Variants in PSD3 observed in about 807,000 individuals in gnomAD.
PSD3 encodes the protein PH and SEC7 domain-containing protein 3.
A neutral mutation model predicts 105.5 loss-of-function variants in PSD3; 49 were observed. The observed-to-expected ratio is 0.46, with a 90% CI of 0.37 to 0.59. The LOEUF is 0.59. Ranked by LOEUF, PSD3 falls within the 20% of genes least tolerant of loss-of-function variation. PSD3 has a pLI of 0.00. For synonymous variants in PSD3, 557 were observed against 457.8 expected, an observed-to-expected ratio of 1.22 and a Z score of -2.77; for missense variants, 1,561 against 1,263.8, an observed-to-expected ratio of 1.24 and a Z score of -3.57.
At chr8:19,060,434 G>A (rs985839951) in intron 1 of PSD3, among the ~76,000 whole-genome samples, 1 of 152,068 alleles carries the variant, frequency 6.6e-6, no homozygotes, top group Admixed American at 6.6e-5. Flanking sequence ...ACATATTAAT[G>A]TCTCAGTCTG....
intron 9 of PSD3, among the ~76,000 whole-genome samples, chr8:18,751,054 C>A (rs1342462986): frequency 6.6e-6 from 1 of 152,126 alleles, no homozygotes; most frequent in Non-Finnish European, 1.5e-5. Context: ...ACTCCTCAGC[C>A]CTTGGGCAGT....
chr8:19,012,541 C>T (rs1156483737), intron 1 of PSD3, among the ~76,000 whole-genome samples: 1 of 152,170 alleles, frequency 6.6e-6, no homozygotes, highest in Non-Finnish European at 1.5e-5. Flanking sequence ...CTGCCAGCTC[C>T]TCTCTGAGAA....
intron 4 of PSD3, 78 bp downstream of exon 4, chr8:18,867,595 AT>A: frequency 6.7e-7 from 1 of 1,488,800 alleles, no homozygotes; most frequent in Non-Finnish European, 9.0e-7. Flanking sequence ...ATTTAAATAT[AT>A]ATTCCACACT....
intron 4 of PSD3, among the ~76,000 whole-genome samples, chr8:18,826,326 T>C (rs1025852421): frequency 1.3e-5 from 2 of 152,188 alleles, no homozygotes; most frequent in African/African-American, 2.4e-5. Flanking sequence ...AATCTCATGA[T>C]AGATAGATAG....
intron 2 of PSD3, among the ~76,000 whole-genome samples, chr8:18,915,741 A>G (rs571228747): frequency 7.2e-5 from 11 of 152,312 alleles, no homozygotes; most frequent in African/African-American, 2.6e-4. Flanking sequence ...TGCTGGAGCC[A>G]TGTGGGAAGA....
At chr8:18,632,471 G>A (rs981531767) in intron 11 of PSD3, 142 bp downstream of exon 11, 3 of 873,986 alleles carry the variant, frequency 3.4e-6, no homozygotes, top group African/African-American at 3.4e-5. Context: ...TTAATTTAGG[G>A]TTAGAGGCTT....
chr8:18,599,335 T>C (rs1804264666), intron 12 of PSD3, among the ~76,000 whole-genome samples: 1 of 152,162 alleles, frequency 6.6e-6, no homozygotes. Context: ...GAAAACCATA[T>C]GGAGTTTCTT....
chr8:18,552,633 ATTTT>A (rs757337003), intron 15 of PSD3, among the ~76,000 whole-genome samples: 5 of 152,240 alleles, frequency 3.3e-5, no homozygotes, highest in Admixed American at 6.5e-5. Flanking sequence ...TCAATTAAAT[ATTTT>A]TAAGTAAAAT....
intron 11 of PSD3, among the ~76,000 whole-genome samples, chr8:18,611,920 T>G (rs1297815442): frequency 6.6e-6 from 1 of 152,240 alleles, no homozygotes; most frequent in Non-Finnish European, 1.5e-5. Context: ...GACCCCTTCT[T>G]GCTTAACTGT....
At chr8:18,760,574 TC>T in intron 9 of PSD3, among the ~76,000 whole-genome samples, 1 of 152,352 alleles carries the variant, frequency 6.6e-6, no homozygotes, top group East Asian at 1.9e-4. Context: ...ACAGAATTCC[TC>T]CTTTTTAAGG....
In PSD3 at chr8:19,026,378, G is replaced by GT. The variant is rs965107798; in HGVS notation, c.324+57827dup. ...ATCTTTATCTCCATAACTCTCAGAG[G>GT]TTTTTTTTTGTAAGTTTTCAGTGAC... On this transcript the variant is annotated intron_variant, in intron 1 of 1. Coordinates refer to the PSD3 transcript ENST00000521475. Among the ~76,000 whole-genome samples, 161 of 151,426 alleles carry GT rather than the reference G, an allele frequency of 1.1e-3. 1 individual carries two copies. Among genetic ancestry groups the GT allele is most frequent in the African/African-American group, 3.6e-3 (147 of 41,286 alleles).
At chr8:18,830,038 G>T (rs1180276805) in intron 4 of PSD3, among the ~76,000 whole-genome samples, 1 of 152,106 alleles carries the variant, frequency 6.6e-6, no homozygotes, top group Non-Finnish European at 1.5e-5. Flanking sequence ...TACAATCTCA[G>T]CTCACTGTAA....
chr8:18,671,031 C>T (rs768265314), intron 9 of PSD3, among the ~76,000 whole-genome samples: 4 of 152,170 alleles, frequency 2.6e-5, no homozygotes, highest in South Asian at 2.1e-4. Context: ...TATAATGCTT[C>T]GTAAGTTGTC....
intron 4 of PSD3, among the ~76,000 whole-genome samples, chr8:18,820,359 G>A (rs1457729215): frequency 6.6e-6 from 1 of 151,962 alleles, no homozygotes; most frequent in Non-Finnish European, 1.5e-5. Context: ...AAAATTTGAT[G>A]TTGTTTGTTT....
At chr8:18,559,770 T>A (rs1414580758) in intron 14 of PSD3, among the ~76,000 whole-genome samples, 1 of 152,184 alleles carries the variant, frequency 6.6e-6, no homozygotes, top group African/African-American at 2.4e-5. Context: ...CTACTTATTT[T>A]AATGAGGAAT....
intron 9 of PSD3, among the ~76,000 whole-genome samples, chr8:18,746,146 C>G (rs1805000668): frequency 6.6e-6 from 1 of 152,092 alleles, no homozygotes; most frequent in Non-Finnish European, 1.5e-5. Flanking sequence ...TACATATACC[C>G]TTTCCTAATT....
At chr8:18,670,684 C>A (rs1249067146) in intron 9 of PSD3, among the ~76,000 whole-genome samples, 1 of 151,976 alleles carries the variant, frequency 6.6e-6, no homozygotes, top group African/African-American at 2.4e-5. Flanking sequence ...GTCATTTAAG[C>A]TAAGAAGGAG....
intron 4 of PSD3, among the ~76,000 whole-genome samples, chr8:18,814,342 C>T (rs1812021884): frequency 6.6e-6 from 1 of 152,200 alleles, no homozygotes; most frequent in Admixed American, 6.5e-5. Flanking sequence ...AAGGCAGTGC[C>T]ATGGAAAATG....
chr8:18,997,773 CTT>C (rs59434758), intron 1 of PSD3, among the ~76,000 whole-genome samples: 53,813 of 151,614 alleles, frequency 0.35, 9,908 homozygotes, highest in East Asian at 0.46. Context: ...TCCCGGTGCA[CTT>C]ACCTTCCTTC....
Sources: gnomAD v4.1 joint callset for allele counts (sites outside exome capture counted in the v4.1 genomes callset) on GRCh38, gnomAD v4.1.1 for gene constraint, MANE v1.5 for transcripts, NCBI Gene and HGNC (gene_info 2026-07-23, HGNC 2026-07-21) for gene names.